HPS1: variants seen among roughly 807,000 people sequenced by gnomAD.
HPS1 encodes the protein BLOC-3 complex member HPS1.
In HPS1, 59 loss-of-function variants were observed where a neutral mutation model predicts 90.6. That is an observed-to-expected ratio of 0.65 (90% confidence interval 0.53 to 0.81). HPS1 has a LOEUF of 0.81. Ranked by LOEUF, HPS1 falls within the 30% of genes least tolerant of loss-of-function variation. HPS1 has a pLI of 0.00. For missense variants in HPS1, 849 were observed against 896.7 expected (o/e 0.95, Z 0.68); for synonymous variants, 388 against 384.4 (o/e 1.01, Z -0.11).
At chr10:98,425,393 T>C (rs995450512) in intron 13 of HPS1, 148 bp downstream of exon 13, 1 of 743,728 alleles carries the variant, frequency 1.3e-6, no homozygotes, top group Non-Finnish European at 2.3e-6. Flanking sequence ...CATTTCATAA[T>C]AGGGAAAACA....
In HPS1 at chr10:98,443,202, G is replaced by A; in HGVS notation, c.39C>T (p.Val13=). 6.2e-7 allele frequency: 1 copy of A among 1,614,024 alleles called. No individual in the cohort carries two copies. Among genetic ancestry groups the A allele is most frequent in the Non-Finnish European group, 8.5e-7 (1 of 1,179,990 alleles). ...ACTCCTGATCTGTCCAGTAGAAGAG[G>A]ACCTCTGCGCCCTCAGTGGCCACCA... ...CVLVATEGAE[V]LFYWTDQEFE... Residue 13 remains valine, a synonymous_variant, in exon 3 of 20, where the codon GTC becomes GTT. Coordinates refer to ENST00000361490, the MANE Select transcript of HPS1 (RefSeq NM_000195.5).
In HPS1 at chr10:98,435,899, T is replaced by C. The variant is rs1336405233; in HGVS notation, c.118-127A>G. 5.8e-6 allele frequency: 7 copies of C among 1,214,204 alleles called. No homozygotes were observed. Among genetic ancestry groups the C allele is most frequent in the Non-Finnish European group, 8.2e-6 (7 of 850,816 alleles). 75.2% of individuals were successfully genotyped at this position (1,214,204 alleles called of 1,614,324 possible). A position where few individuals can be genotyped will look rare whatever the true frequency, so the allele number is the denominator to read the frequency against. ...AGACCCTCCTGGGAGGGTATCACTG[T>C]CCTGGTAGGGAGGGGAGCAAAAAGA... is the stretch of plus-strand genomic sequence containing the variant. On this transcript the variant is annotated intron_variant, in intron 3 of 19. Coordinates refer to ENST00000361490, the MANE Select transcript of HPS1 (RefSeq NM_000195.5). This position sits in a 1 kb window ranked among gnomAD's most constrained non-coding sequence, Gnocchi z 4.3.
intron 10 of HPS1, among the ~76,000 whole-genome samples, chr10:98,428,697 C>CTT (rs11435125): frequency 0.03 from 3,808 of 128,118 alleles, 129 homozygotes; most frequent in African/African-American, 0.078. Context: ...CCACAGGACC[C>CTT]TTTTTTTTTT....
At position 98,444,407 on chromosome 10, in the gene HPS1, A is replaced by ACT. The variant is rs373182104; in HGVS notation, c.-1+891_-1+892dup. Among the ~76,000 whole-genome samples, 498 of 152,264 alleles carry ACT rather than the reference A, an allele frequency of 3.3e-3. 3 individuals carry two copies. Among genetic ancestry groups the ACT allele is most frequent in the African/African-American group, 0.01 (422 of 41,544 alleles). On this transcript the variant is annotated intron_variant, in intron 2 of 19. Transcript: ENST00000361490. ...TGCGGCAAACCCTCGATCTTCTAAAACTTGGGGCAGCCTGACCAGGCTGGT... is the reference window on the plus strand; with the variant it reads ...TGCGGCAAACCCTCGATCTTCTAAAACTCTTGGGGCAGCCTGACCAGGCTGGT...
intron 1 of HPS1, among the ~76,000 whole-genome samples, chr10:98,446,046 A>C (rs1939456878): frequency 6.6e-6 from 1 of 152,208 alleles, no homozygotes; most frequent in Admixed American, 6.5e-5. Context: ...TCCCTTCTTC[A>C]AATAACAGGA....
chr10:98,417,763 G>T lies in HPS1; in HGVS notation c.1941-37C>A. 1 of 1,593,908 alleles carries T rather than the reference G, an allele frequency of 6.3e-7. No homozygotes were observed. The highest frequency in any genetic ancestry group is 8.6e-7 in the Non-Finnish European group (1 of 1,162,436). ...GGGGAGGATGGGATTCAGGAGTGAGGCTGTGGCACTCCTCCAGCGCCAGAG... is the reference window on the plus strand; with the variant it reads ...GGGGAGGATGGGATTCAGGAGTGAGTCTGTGGCACTCCTCCAGCGCCAGAG... On this transcript the variant is annotated intron_variant, in intron 19 of 19. Coordinates refer to ENST00000361490, the MANE Select transcript of HPS1 (RefSeq NM_000195.5). This position sits in a 1 kb window ranked among gnomAD's most constrained non-coding sequence, Gnocchi z 4.2.
chr10:98,425,663 G>C lies in HPS1; in HGVS notation c.1213C>G (p.Leu405Val). 1 of 1,613,478 alleles carries C rather than the reference G, an allele frequency of 6.2e-7. No individual in the cohort carries two copies. The highest frequency in any genetic ancestry group is 8.5e-7 in the Non-Finnish European group (1 of 1,179,898). ...LSQLMDGFSM[L>V]EKKLKEGPEP... The stretch of plus-strand genomic sequence containing the variant: ...GGCCCTTCCTTCAGCTTCTTCTCCA[G>C]CATGGAGAAGCCATCCATCAGCTGG... Residue 405 changes from leucine (L) to valine (V), a missense_variant, in exon 13 of 20, where the codon CTG becomes GTG. Physicochemically the swap from Leu to Val is conservative, Grantham distance 32 (BLOSUM62 1). Coordinates refer to ENST00000361490, the MANE Select transcript of HPS1 (RefSeq NM_000195.5).
At chr10:98,428,864 CAG>C (rs1246432238) in intron 10 of HPS1, among the ~76,000 whole-genome samples, 2 of 149,528 alleles carry the variant, frequency 1.3e-5, no homozygotes, top group Admixed American at 1.3e-4. Flanking sequence ...TTTTTTGAGA[CAG>C]AGTCTTGCTC....
chr10:98,427,708 C>G (rs1001318610), intron 10 of HPS1, among the ~76,000 whole-genome samples: 1 of 152,158 alleles, frequency 6.6e-6, no homozygotes, highest in African/African-American at 2.4e-5. Flanking sequence ...CAAGCTCTTA[C>G]TGAGCACCTG....
rs1844120959 is a variant in HPS1, at chr10:98,416,390, CA to C, written c.*1173del. On this transcript the variant is annotated 3_prime_UTR_variant, in exon 20 of 20. Transcript: ENST00000361490. ...CCTTTATGTTTTTCTGTATTTTCCA[CA>C]ATCCACGCTTTTCATTGCCATTCCA... 6.6e-6 allele frequency: 1 copy of C among 152,340 alleles called. No individual in the cohort carries two copies. The highest frequency in any genetic ancestry group is 1.5e-5 in the Non-Finnish European group (1 of 68,050). The allele number at this position is 152,340 out of a possible 1,614,324, so 9.4% of individuals were successfully genotyped here. A position where few individuals can be genotyped will look rare whatever the true frequency, so the allele number is the denominator to read the frequency against.
intron 3 of HPS1, among the ~76,000 whole-genome samples, chr10:98,442,026 T>C (rs940648876): frequency 6.6e-6 from 1 of 152,254 alleles, no homozygotes; most frequent in African/African-American, 2.4e-5. Flanking sequence ...TGTACGTGCA[T>C]GTTCATAGTT....
downstream of HPS1, chr10:98,415,014 C>T (rs748996790): frequency 2.5e-6 from 4 of 1,613,376 alleles, no homozygotes; most frequent in South Asian, 3.3e-5. Flanking sequence ...TTTACCTGCT[C>T]CTATCACCAC....
intron 10 of HPS1, chr10:98,429,187 T>C: frequency 9.5e-7 from 1 of 1,056,194 alleles, no homozygotes; most frequent in South Asian, 2.3e-5. Flanking sequence ...CCCACATACT[T>C]TGGAGAAACA....
intron 3 of HPS1, among the ~76,000 whole-genome samples, chr10:98,439,291 C>T (rs982570853): frequency 4.6e-5 from 7 of 152,138 alleles, no homozygotes; most frequent in African/African-American, 9.7e-5. Context: ...GTAGATCCAC[C>T]GACAGCTTGC....
chr10:98,428,283 T>C (rs984400421), intron 10 of HPS1, among the ~76,000 whole-genome samples: 7 of 152,146 alleles, frequency 4.6e-5, no homozygotes, highest in African/African-American at 1.7e-4. Flanking sequence ...CGAAAATCAT[T>C]TGGGGACTTT....
chr10:98,444,252 T>C (rs1284533141), intron 2 of HPS1, among the ~76,000 whole-genome samples: 1 of 150,734 alleles, frequency 6.6e-6, no homozygotes, highest in Non-Finnish European at 1.5e-5. Flanking sequence ...CAAATCTCCT[T>C]CCCCACCCCC....
In HPS1 at chr10:98,422,394, G is replaced by A. The variant is rs372351461; in HGVS notation, c.1718C>T (p.Pro573Leu). ...QKTSSELGKG[P>L]LAAFVKTKVW... The stretch of plus-strand genomic sequence containing the variant: ...CTTAGTTTTGACAAAGGCAGCCAGC[G>A]GCCCCTTGCCCAACTCCGACGAGGT... The change falls in exon 17 of 20, where the codon CCG (proline) becomes CTG (leucine). Residue 573 changes from proline (P) to leucine (L), a missense_variant. Physicochemically the swap from Pro to Leu is moderately conservative, Grantham distance 98. Transcript: ENST00000361490. 23 of 1,610,648 alleles carry A rather than the reference G, an allele frequency of 1.4e-5. No homozygotes were observed. In the Admixed American group the frequency reaches 2.2e-4, roughly 15 times the overall value.
chr10:98,420,324 A>C, intron 17 of HPS1, 166 bp from the exon 18 acceptor site: 1 of 658,484 alleles, frequency 1.5e-6, no homozygotes, highest in Non-Finnish European at 2.8e-6. Flanking sequence ...CTCAACAATA[A>C]ATCATTATTG....
downstream of HPS1, chr10:98,414,948 G>T: frequency 6.4e-7 from 1 of 1,568,658 alleles, no homozygotes. Context: ...TCCCCACCAA[G>T]CTCTGAGCAG....
Sources: gnomAD v4.1 joint callset for allele counts (sites outside exome capture counted in the v4.1 genomes callset) on GRCh38, gnomAD v4.1.1 for gene constraint, Gnocchi (gnomAD v3.1) non-coding constraint, MANE v1.5 for transcripts, NCBI Gene and HGNC (gene_info 2026-07-23, HGNC 2026-07-21) for gene names.